Variants in SLC18B1 observed in about 807,000 individuals in gnomAD.
The protein encoded by SLC18B1 is MFS-type transporter SLC18B1.
A neutral mutation model predicts 53.9 loss-of-function variants in SLC18B1; 62 were observed. That is an observed-to-expected ratio of 1.15 (90% CI 0.94 to 1.42). The LOEUF is 1.42. SLC18B1 is among the 40% of genes most tolerant of loss of function. The pLI is 0.00. For synonymous variants in SLC18B1, 217 were observed against 200.9 expected, an observed-to-expected ratio of 1.08 and a Z score of -0.68; for missense variants, 598 against 547.3, an observed-to-expected ratio of 1.09 and a Z score of -0.93.
chr6:132,783,391 G>A (rs796607985), intron 6 of SLC18B1, among the ~76,000 whole-genome samples: 8 of 152,284 alleles, frequency 5.3e-5, no homozygotes, highest in African/African-American at 1.9e-4. Context: ...TGGCAGGCTG[G>A]TCTTGAACTC....
chr6:132,790,365 G>A (rs1401214170), intron 2 of SLC18B1, 93 bp from the exon 3 acceptor site: 2 of 833,350 alleles, frequency 2.4e-6, no homozygotes, highest in African/African-American at 3.5e-5. Context: ...ATCTTCTTGT[G>A]AACTTTATCT....
intron 12 of SLC18B1, 43 bp from the exon 13 acceptor site, chr6:132,770,982 G>C: frequency 6.2e-7 from 1 of 1,610,780 alleles, no homozygotes; most frequent in Non-Finnish European, 8.5e-7. Flanking sequence ...AATTTTCCAA[G>C]TCAAGTTTTT....
rs199613704 is a variant in SLC18B1 at position 132,772,949 on chromosome 6, T to C, written c.1085+44A>G. ...ATTCAAGAAAGCCTGTGATACTTACTACTTATTCACAATACAGCTCTTCAA... is the reference window on the plus strand; with the variant it reads ...ATTCAAGAAAGCCTGTGATACTTACCACTTATTCACAATACAGCTCTTCAA... On this transcript the variant is annotated intron_variant, in intron 10 of 13. Transcript: ENST00000275227. 251 of 1,378,312 alleles carry C rather than the reference T, an allele frequency of 1.8e-4. 1 individual carries two copies. The Middle Eastern group carries it at 2.2e-3, about 12-fold the overall frequency. 85.4% of individuals were successfully genotyped at this position (1,378,312 alleles called of 1,614,324 possible).
chr6:132,788,435 A>C (rs7759524), intron 4 of SLC18B1, among the ~76,000 whole-genome samples: 1 of 151,562 alleles, frequency 6.6e-6, no homozygotes, highest in Non-Finnish European at 1.5e-5. Flanking sequence ...TCTTTTTTTG[A>C]TAACAATTTG....
At chr6:132,777,476 G>A (rs1053259273) in intron 7 of SLC18B1, among the ~76,000 whole-genome samples, 2 of 152,212 alleles carry the variant, frequency 1.3e-5, no homozygotes, top group Non-Finnish European at 2.9e-5. Context: ...CACTTTGGGA[G>A]GCCGAGGTGG....
chr6:132,794,100 T>C (rs544700536), intron 2 of SLC18B1, among the ~76,000 whole-genome samples: 2 of 143,472 alleles, frequency 1.4e-5, no homozygotes, highest in Admixed American at 1.3e-4. Flanking sequence ...TTATTATTTT[T>C]TTTTTAATTT....
At chr6:132,786,821 G>C (rs1781390744) in intron 5 of SLC18B1, among the ~76,000 whole-genome samples, 1 of 152,138 alleles carries the variant, frequency 6.6e-6, no homozygotes, top group East Asian at 1.9e-4. Flanking sequence ...CAGCTGCCTA[G>C]AGATGGGATG....
rs187074195 is a variant in SLC18B1 at position 132,794,412 on chromosome 6, G to A, written c.183+2570C>T. 3.2e-3 allele frequency among the ~76,000 whole-genome samples: 450 copies of A among 138,752 alleles called. 1 individual carries two copies. Among genetic ancestry groups the A allele is most frequent in the Non-Finnish European group, 4.8e-3 (329 of 67,868 alleles). The allele number at this position is 138,752 out of a possible 152,430, so 91.0% of individuals were successfully genotyped here. On this transcript the variant is annotated intron_variant, in intron 2 of 13. Transcript: ENST00000275227. ...AGCCACCATGCCTGGCATTATTATT[G>A]TTATTATTATTATTTAAAAATCCCA...
intron 7 of SLC18B1, among the ~76,000 whole-genome samples, chr6:132,778,813 C>T (rs940343354): frequency 1.3e-5 from 2 of 152,070 alleles, no homozygotes; most frequent in Non-Finnish European, 2.9e-5. Flanking sequence ...TTTCTCAAAT[C>T]CCAGAATAAT....
chr6:132,789,939 C>G, intron 3 of SLC18B1, 102 bp from the exon 4 acceptor site: 1 of 777,386 alleles, frequency 1.3e-6, no homozygotes, highest in South Asian at 1.6e-5. Flanking sequence ...TAGGGGAAGA[C>G]ATGTACAGTT....
At chr6:132,785,897 C>CAAAAAAAAAAAAAAAAAAAAAAAAAAAA (rs71545048) in intron 5 of SLC18B1, among the ~76,000 whole-genome samples, 14 of 81,136 alleles carry the variant, frequency 1.7e-4, no homozygotes, top group East Asian at 4.2e-4. Context: ...CCTGTCTCTA[C>CAAAAAAAAAAAAAAAAAAAAAAAAAAAA]AAAAAAAAAA....
chr6:132,783,949 AT>A lies in SLC18B1; in HGVS notation c.641del (p.Tyr214LeufsTer18). 6.3e-7 allele frequency: 1 copy of A among 1,596,982 alleles called. No homozygotes were observed. The highest frequency in any genetic ancestry group is 1.8e-5 in the Admixed American group (1 of 56,622). On this transcript the variant is annotated frameshift_variant, in exon 6 of 14. Transcript: ENST00000275227. LOFTEE classifies it high-confidence loss of function. ...VVLLMVPLNM[Y>X]ILPNYESDPG... ...TGGACTTACCGTAATTGGGTAAAAT[AT>A]ACATATTGAGTGGTACCATCAGCAA...
intron 3 of SLC18B1, 111 bp from the exon 4 acceptor site, chr6:132,789,948 T>C (rs1175149960): frequency 1.9e-5 from 14 of 718,072 alleles, no homozygotes; most frequent in Non-Finnish European, 3.1e-5. Context: ...ACATGTACAG[T>C]TAATATATTA....
intron 10 of SLC18B1, among the ~76,000 whole-genome samples, chr6:132,772,750 A>G (rs752254193): frequency 5.3e-5 from 8 of 152,210 alleles, no homozygotes; most frequent in African/African-American, 7.2e-5. Flanking sequence ...AATTACTTAC[A>G]TACTGAGGCA....
chr6:132,795,333 C>T (rs1260321931), intron 2 of SLC18B1, among the ~76,000 whole-genome samples: 1 of 152,160 alleles, frequency 6.6e-6, no homozygotes, highest in African/African-American at 2.4e-5. Flanking sequence ...CATGCTTAGC[C>T]TGCTCTAGAG....
intron 10 of SLC18B1, 43 bp from the exon 11 acceptor site, chr6:132,772,249 C>T (rs745578787): frequency 7.5e-7 from 1 of 1,334,796 alleles, no homozygotes; most frequent in Non-Finnish European, 1.0e-6. Context: ...AAAAGGAAAA[C>T]CTGTGTGAAA....
At position 132,772,220 on chromosome 6, in the gene SLC18B1, C is replaced by T; in HGVS notation, c.1086-14G>A. The stretch of plus-strand genomic sequence containing the variant: ...AACCCATTTTCACTGCAAAAAGAGA[C>T]ATGAGTGTATCCATTATTAAAAGGA... On this transcript the variant is annotated splice_polypyrimidine_tract_variant and intron_variant, in intron 10 of 13. Transcript: ENST00000275227. 1.3e-6 allele frequency: 2 copies of T among 1,521,556 alleles called. No homozygotes were observed. Among genetic ancestry groups the T allele is most frequent in the Non-Finnish European group, 1.8e-6 (2 of 1,133,872 alleles). The allele number at this position is 1,521,556 out of a possible 1,614,324, so 94.3% of individuals were successfully genotyped here.
chr6:132,771,648 G>A (rs1780976526), intron 11 of SLC18B1, among the ~76,000 whole-genome samples: 1 of 152,206 alleles, frequency 6.6e-6, no homozygotes, highest in South Asian at 2.1e-4. Context: ...GGCATTGATT[G>A]TTGAGTGAAA....
At chr6:132,773,388 TC>T (rs1408195691) in intron 9 of SLC18B1, among the ~76,000 whole-genome samples, 1 of 152,088 alleles carries the variant, frequency 6.6e-6, no homozygotes, top group Non-Finnish European at 1.5e-5. Context: ...CCAGACAAAA[TC>T]CCTTCAAAAT....
Sources: gnomAD v4.1 joint callset for allele counts (sites outside exome capture counted in the v4.1 genomes callset) on GRCh38, gnomAD v4.1.1 for gene constraint, MANE v1.5 for transcripts, NCBI Gene and HGNC (gene_info 2026-07-23, HGNC 2026-07-21) for gene names.